Variants in OTUD7A observed in about 807,000 individuals in gnomAD.
OTUD7A encodes the protein OTU deubiquitinase 7A.
In OTUD7A, 12 loss-of-function variants were observed where a neutral mutation model predicts 65.7. The observed-to-expected ratio is 0.18, with a 90% CI of 0.12 to 0.30. The LOEUF is 0.30. Ranked by LOEUF, OTUD7A falls within the 10% of genes least tolerant of loss-of-function variation. The pLI is 1.00. For synonymous variants in OTUD7A, 641 were observed against 586.3 expected, an observed-to-expected ratio of 1.09 and a Z score of -1.35; for missense variants, 1,148 against 1,304.8, an observed-to-expected ratio of 0.88 and a Z score of 1.85.
At position 31,487,495 on chromosome 15, in the gene OTUD7A, A is replaced by C. The variant is rs750664811; in HGVS notation, c.1243T>G (p.Trp415Gly). The change falls in exon 11 of 13, where the codon TGG becomes GGG. Residue 415 changes from tryptophan to glycine, a missense_variant. Physicochemically the swap from Trp to Gly is radical, Grantham distance 184 (BLOSUM62 -2). Transcript: ENST00000307050. This position sits in a 1 kb window ranked among gnomAD's most constrained non-coding sequence, Gnocchi z 6.0. ...LHFAVDPGKD[W>G]EWGKDDNDNA... ...TCGTTGTCGTCTTTCCCCCACTCCC[A>C]GTCCTTGCCAGGGTCCACTGCAAAG... 5.0e-6 allele frequency: 8 copies of C among 1,613,880 alleles called. No individual in the cohort carries two copies. Among genetic ancestry groups the C allele is most frequent in the Non-Finnish European group, 6.8e-6 (8 of 1,180,008 alleles).
chr15:31,629,691 T>C (rs1017802327), intron 3 of OTUD7A, among the ~76,000 whole-genome samples: 1 of 152,208 alleles, frequency 6.6e-6, no homozygotes, highest in Non-Finnish European at 1.5e-5. Context: ...CTTTTACCTC[T>C]GGTAGAATTC....
intron 10 of OTUD7A, among the ~76,000 whole-genome samples, chr15:31,501,208 G>T (rs986939423): frequency 9.2e-5 from 14 of 152,220 alleles, no homozygotes; most frequent in African/African-American, 3.1e-4. Flanking sequence ...GGCGCTGCAG[G>T]CCTTGGTGTC....
intron 1 of OTUD7A, among the ~76,000 whole-genome samples, chr15:31,754,038 AT>A (rs1323242762): frequency 3.0e-4 from 46 of 151,408 alleles, no homozygotes; most frequent in Non-Finnish European, 2.5e-4. Context: ...CTATTTTTTG[AT>A]TTTTTTGATT....
intron 10 of OTUD7A, among the ~76,000 whole-genome samples, chr15:31,491,965 TGA>T (rs2041322388): frequency 6.6e-6 from 1 of 152,110 alleles, no homozygotes; most frequent in Non-Finnish European, 1.5e-5. Context: ...CAAATAAAAG[TGA>T]GCAAATCATT....
At chr15:31,521,279 T>A (rs966097165) in intron 8 of OTUD7A, among the ~76,000 whole-genome samples, 1 of 152,150 alleles carries the variant, frequency 6.6e-6, no homozygotes, top group Admixed American at 6.5e-5. Flanking sequence ...AAATAAATAA[T>A]AAAATAATAA....
intron 3 of OTUD7A, among the ~76,000 whole-genome samples, chr15:31,637,985 C>T (rs946352195): frequency 6.6e-6 from 1 of 152,188 alleles, no homozygotes; most frequent in Non-Finnish European, 1.5e-5. Context: ...TTACAAAATG[C>T]ATTTGATAAA....
intron 1 of OTUD7A, among the ~76,000 whole-genome samples, chr15:31,809,226 A>G (rs1896359091): frequency 6.6e-6 from 1 of 152,170 alleles, no homozygotes. Context: ...CCTGTAATAG[A>G]ATCTGGTATC....
intron 4 of OTUD7A, among the ~76,000 whole-genome samples, chr15:31,564,595 C>G (rs1380319798): frequency 6.6e-6 from 1 of 151,634 alleles, no homozygotes; most frequent in Non-Finnish European, 1.5e-5. Flanking sequence ...AGGAAGAAAA[C>G]CAAAATAATG....
chr15:31,852,417 A>T (rs1344114334), intron 1 of OTUD7A, among the ~76,000 whole-genome samples: 1 of 152,266 alleles, frequency 6.6e-6, no homozygotes, highest in Non-Finnish European at 1.5e-5. Context: ...CTAAAAAACT[A>T]AGGGTTGTTA....
chr15:31,596,376 C>T (rs531160233), intron 3 of OTUD7A, among the ~76,000 whole-genome samples: 1 of 152,302 alleles, frequency 6.6e-6, no homozygotes, highest in Admixed American at 6.5e-5. Context: ...GTGAATTCAC[C>T]TATTCACTCG....
At chr15:31,735,638 G>A (rs1894168329) in intron 1 of OTUD7A, among the ~76,000 whole-genome samples, 1 of 152,120 alleles carries the variant, frequency 6.6e-6, no homozygotes, top group Non-Finnish European at 1.5e-5. Context: ...CAACCATTGT[G>A]GAAGATAGTG....
Position 31,552,252 on chromosome 15 carries a change from T to A in OTUD7A, c.550+6717A>T, listed in dbSNP as rs192719494. ...GCTTCTTGTACAGCCTGCAGAACTG[T>A]GAGCCAAATAAGCCTCTTTTCTTTA... On this transcript the variant is annotated intron_variant, in intron 5 of 12. Coordinates refer to ENST00000307050, the MANE Select transcript of OTUD7A (RefSeq NM_001382637.1). Among the ~76,000 whole-genome samples, 492 of 152,326 alleles carry A rather than the reference T, an allele frequency of 3.2e-3. 16 individuals are homozygous for A. Among genetic ancestry groups the A allele is most frequent in the Admixed American group, 0.029 (444 of 15,296 alleles).
At chr15:31,814,448 G>A (rs7182228) in intron 1 of OTUD7A, among the ~76,000 whole-genome samples, 88,120 of 152,014 alleles carry the variant, frequency 0.58, 25,993 homozygotes, top group East Asian at 0.69. Flanking sequence ...CATGTGACAC[G>A]TCCTAATTCA....
chr15:31,494,513 A>C (rs1231744382), intron 10 of OTUD7A, among the ~76,000 whole-genome samples: 1 of 152,234 alleles, frequency 6.6e-6, no homozygotes, highest in African/African-American at 2.4e-5. Context: ...GAATTGACTA[A>C]GACAAAACTG....
chr15:31,825,033 A>C (rs1315504012), intron 1 of OTUD7A, among the ~76,000 whole-genome samples: 1 of 152,220 alleles, frequency 6.6e-6, no homozygotes, highest in Non-Finnish European at 1.5e-5. Flanking sequence ...CTCAGAAACC[A>C]GTATCTTTCA....
intron 3 of OTUD7A, among the ~76,000 whole-genome samples, chr15:31,617,350 G>C (rs1890622304): frequency 6.6e-6 from 1 of 152,128 alleles, no homozygotes; most frequent in Non-Finnish European, 1.5e-5. Flanking sequence ...AGCTGGCCGT[G>C]GTGGCAGGTG....
At chr15:31,669,369 T>C (rs1174035805) in intron 1 of OTUD7A, among the ~76,000 whole-genome samples, 1 of 152,062 alleles carries the variant, frequency 6.6e-6, no homozygotes, top group Non-Finnish European at 1.5e-5. Flanking sequence ...TCAATGGAGT[T>C]GTGTACCTAC....
intron 10 of OTUD7A, among the ~76,000 whole-genome samples, chr15:31,493,839 A>G: frequency 7.0e-6 from 1 of 143,220 alleles, no homozygotes; most frequent in South Asian, 2.2e-4. Context: ...CAAAATTTGT[A>G]TGGTGTAGTT....
chr15:31,765,927 T>G, intron 1 of OTUD7A: 1 of 1,307,306 alleles, frequency 7.6e-7, no homozygotes, highest in South Asian at 1.2e-5. Flanking sequence ...TAAAGTCCTG[T>G]TTTTAACAAT....
Sources: allele counts gnomAD v4.1 joint callset (sites outside exome capture counted in the v4.1 genomes callset), GRCh38; gene constraint gnomAD v4.1.1; non-coding constraint Gnocchi (gnomAD v3.1); transcripts MANE v1.5; gene names NCBI Gene and HGNC (gene_info 2026-07-23, HGNC 2026-07-21).